Variants in MDFIC observed in about 807,000 individuals in gnomAD.
The protein encoded by MDFIC is myoD family inhibitor domain-containing protein.
MDFIC carries 17 observed loss-of-function variants against 23.2 expected under a neutral mutation model. The ratio of observed to expected loss-of-function variants is 0.73; its 90% CI spans 0.50 to 1.10. The LOEUF (loss-of-function observed/expected upper bound fraction) is 1.10, where lower values mean the gene tolerates loss of function less well. Among genes scored for constraint, MDFIC ranks in the 50% least tolerant of loss-of-function variants. The pLI is 0.00. For synonymous variants in MDFIC, 120 were observed against 115.2 expected (o/e 1.04, Z -0.27); for missense variants, 356 against 316.6 (o/e 1.12, Z -0.95).
intron 3 of MDFIC, among the ~76,000 whole-genome samples, chr7:114,967,099 T>A (rs927959581): frequency 3.9e-5 from 6 of 152,194 alleles, no homozygotes; most frequent in Non-Finnish European, 7.3e-5. Context: ...TTTAAAAAAG[T>A]GTTGATGCAG....
intron 4 of MDFIC, among the ~76,000 whole-genome samples, chr7:115,007,234 T>C (rs1326205570): frequency 6.6e-6 from 1 of 152,204 alleles, no homozygotes. Flanking sequence ...GTGGTTTTCC[T>C]AGAATAAATA....
At chr7:114,977,943 TA>T (rs1421666763) in intron 3 of MDFIC, among the ~76,000 whole-genome samples, 1 of 147,892 alleles carries the variant, frequency 6.8e-6, no homozygotes, top group Non-Finnish European at 1.5e-5. Context: ...ATGTATTATA[TA>T]ATAATTACAT....
At chr7:115,015,192 A>T (rs1325475361) in intron 4 of MDFIC, among the ~76,000 whole-genome samples, 1 of 152,258 alleles carries the variant, frequency 6.6e-6, no homozygotes, top group East Asian at 1.9e-4. Context: ...TTCTGGTTTA[A>T]CTATTGAATT....
chr7:114,988,596 A>G (rs985469112), intron 4 of MDFIC, among the ~76,000 whole-genome samples: 2 of 152,178 alleles, frequency 1.3e-5, no homozygotes, highest in Admixed American at 6.5e-5. Flanking sequence ...TCAGATATGT[A>G]TTATTCTGAG....
At chr7:114,985,178 C>T (rs1003305359) in intron 4 of MDFIC, among the ~76,000 whole-genome samples, 4 of 152,150 alleles carry the variant, frequency 2.6e-5, no homozygotes, top group Admixed American at 6.5e-5. Flanking sequence ...AGCGTCTCAT[C>T]TCTAAAATGG....
intron 3 of MDFIC, among the ~76,000 whole-genome samples, chr7:114,975,889 G>T (rs1272312362): frequency 6.6e-6 from 1 of 152,028 alleles, no homozygotes; most frequent in African/African-American, 2.4e-5. Flanking sequence ...AGAGTAAAGG[G>T]ATAATACTTG....
chr7:115,013,980 C>A, intron 4 of MDFIC: 2 of 985,152 alleles, frequency 2.0e-6, no homozygotes, highest in Non-Finnish European at 2.4e-6. Flanking sequence ...TTTTTCCAGT[C>A]GCTGCATGGA....
intron 4 of MDFIC, among the ~76,000 whole-genome samples, chr7:115,007,702 C>T (rs1791599488): frequency 6.8e-6 from 1 of 146,874 alleles, no homozygotes; most frequent in East Asian, 1.9e-4. Flanking sequence ...GGTATAGAGT[C>T]TCACCCTGAC....
intron 2 of MDFIC, among the ~76,000 whole-genome samples, chr7:114,929,094 T>TCTATCTATCTATCTATCTATCTATCTAC (rs1439151218): frequency 9.2e-5 from 14 of 151,850 alleles, no homozygotes. Flanking sequence ...GATCTATCTA[T>TCTATCTATCTATCTATCTATCTATCTAC]CTATCTATCA....
chr7:115,018,754 T>G lies in MDFIC; in HGVS notation c.*2819T>G, dbSNP rs1791845960. On this transcript the variant is annotated 3_prime_UTR_variant, in exon 5 of 5. Transcript: ENST00000393486. ...TGAAAATTTTTAAAAATGACTTCTT[T>G]ATTTTGCTTTACCGTATGTTTATAT... 1 of 152,288 alleles carries G rather than the reference T, an allele frequency of 6.6e-6. No homozygotes were observed. Among genetic ancestry groups the G allele is most frequent in the African/African-American group, 2.4e-5 (1 of 41,450 alleles). The allele number at this position is 152,288 out of a possible 1,614,324, so 9.4% of individuals were successfully genotyped here. A position where few individuals can be genotyped will look rare whatever the true frequency, so the allele number is the denominator to read the frequency against.
intron 4 of MDFIC, among the ~76,000 whole-genome samples, chr7:114,980,433 G>A (rs930054331): frequency 5.3e-5 from 8 of 152,128 alleles, no homozygotes; most frequent in Admixed American, 2.6e-4. Context: ...TACCTCTTCA[G>A]TTCTATCTCA....
intron 4 of MDFIC, among the ~76,000 whole-genome samples, chr7:115,003,093 T>C (rs1791495934): frequency 6.6e-6 from 1 of 152,154 alleles, no homozygotes; most frequent in African/African-American, 2.4e-5. Flanking sequence ...TGACACAACC[T>C]CCTTGAAATA....
At chr7:114,951,829 A>T (rs1237973968) in intron 3 of MDFIC, among the ~76,000 whole-genome samples, 3 of 152,206 alleles carry the variant, frequency 2.0e-5, no homozygotes, top group African/African-American at 7.2e-5. Flanking sequence ...GTGGACCAGG[A>T]CATTCGGCTT....
At position 114,999,444 on chromosome 7, in the gene MDFIC, C is replaced by T. The variant is rs999452071; in HGVS notation, c.494-16244C>T. 9.9e-5 allele frequency among the ~76,000 whole-genome samples: 15 copies of T among 151,720 alleles called. No homozygotes were observed. In the South Asian group the frequency reaches 3.1e-3, roughly 32 times the overall value. On this transcript the variant is annotated intron_variant, in intron 4 of 4. Transcript: ENST00000393486. ...TGCTGTTTTTTTTTAAAATTACATT[C>T]CAAGATGACCCACCCTGACTCCCAA...
At chr7:114,979,332 A>G (rs144634839) in intron 3 of MDFIC, among the ~76,000 whole-genome samples, 174 bp from the exon 4 acceptor site, 12 of 152,062 alleles carry the variant, frequency 7.9e-5, no homozygotes, top group Middle Eastern at 3.4e-3. Flanking sequence ...CATTTTAGTA[A>G]ATTATACTTT....
chr7:115,006,446 A>G (rs1791572030), intron 4 of MDFIC, among the ~76,000 whole-genome samples: 1 of 152,146 alleles, frequency 6.6e-6, no homozygotes, highest in African/African-American at 2.4e-5. Context: ...TTTACTCATC[A>G]TCATCATCAT....
At chr7:114,987,017 G>A (rs1793527422) in intron 4 of MDFIC, among the ~76,000 whole-genome samples, 1 of 152,136 alleles carries the variant, frequency 6.6e-6, no homozygotes. Context: ...GGTTGAAAGG[G>A]CAGGAATGGC....
intron 4 of MDFIC, among the ~76,000 whole-genome samples, chr7:114,983,348 AT>A (rs1031820922): frequency 2.4e-4 from 36 of 152,212 alleles, no homozygotes; most frequent in African/African-American, 8.7e-4. Context: ...GGAATAAAAT[AT>A]TTACAAATTT....
At chr7:114,966,176 GTTTTGGTAGGGTATATTATTTAT>G (rs1237714214) in intron 3 of MDFIC, among the ~76,000 whole-genome samples, 1 of 152,130 alleles carries the variant, frequency 6.6e-6, no homozygotes, top group Non-Finnish European at 1.5e-5. Context: ...AATAAATTTA[GTTTTGGTAGGGTATATTATTTAT>G]TTTTTGTAGC....
Sources: gnomAD v4.1 joint callset for allele counts (sites outside exome capture counted in the v4.1 genomes callset) on GRCh38, gnomAD v4.1.1 for gene constraint, MANE v1.5 for transcripts, NCBI Gene and HGNC (gene_info 2026-07-23, HGNC 2026-07-21) for gene names.